ITSN1: variants seen among roughly 807,000 people sequenced by gnomAD.
ITSN1 encodes intersectin 1, also known as intersectin-1.
Under a neutral mutation model 239.8 loss-of-function variants are expected in ITSN1, and 58 were observed. That is an observed-to-expected ratio of 0.24 (90% confidence interval 0.20 to 0.30). The LOEUF (loss-of-function observed/expected upper bound fraction) is 0.30, where lower values mean the gene tolerates loss of function less well. Ranked by LOEUF, ITSN1 falls within the 10% of genes least tolerant of loss-of-function variation. The probability of loss-of-function intolerance (pLI) is 1.00; values close to 1 mark genes in which losing one functional copy is unlikely to be tolerated. For missense variants in ITSN1, 1,558 were observed against 2,103.3 expected, an observed-to-expected ratio of 0.74 and a Z score of 5.07; for synonymous variants, 780 against 770.8, an observed-to-expected ratio of 1.01 and a Z score of -0.20.
chr21:33,771,086 A>G (rs1043222791), intron 11 of ITSN1, among the ~76,000 whole-genome samples: 6 of 152,144 alleles, frequency 3.9e-5, no homozygotes, highest in African/African-American at 7.2e-5. Flanking sequence ...ATTTTAAGAT[A>G]TCAGAGTAGA....
intron 8 of ITSN1, chr21:33,757,109 C>T (rs971964824): frequency 3.3e-5 from 5 of 152,192 alleles, no homozygotes; most frequent in African/African-American, 1.2e-4. Context: ...TACTGTTTTA[C>T]ATGGTTTGTT....
chr21:33,885,175 C>G (rs775748670), intron 37 of ITSN1, 52 bp downstream of exon 37: 1 of 1,464,780 alleles, frequency 6.8e-7, no homozygotes, highest in South Asian at 1.1e-5. Context: ...GAGGGAGGGC[C>G]ATTTGGCTGG....
chr21:33,877,058 C>T (rs4816467), intron 34 of ITSN1, among the ~76,000 whole-genome samples: 136,383 of 136,548 alleles, frequency 1, 68,109 homozygotes, highest in Middle Eastern at 1. Context: ...CCTGTGGGCA[C>T]CTTTTTTTTT....
chr21:33,843,467 A>G (rs1270180267), intron 29 of ITSN1, among the ~76,000 whole-genome samples: 2 of 152,202 alleles, frequency 1.3e-5, no homozygotes, highest in African/African-American at 4.8e-5. Context: ...GCTCAGGCTT[A>G]CTTAAGACAC....
chr21:33,771,927 C>G, intron 11 of ITSN1, 134 bp from the exon 12 acceptor site: 3 of 943,172 alleles, frequency 3.2e-6, no homozygotes, highest in Non-Finnish European at 4.7e-6. Context: ...TGCTCATTAA[C>G]AAGGACACAG....
intron 27 of ITSN1, among the ~76,000 whole-genome samples, chr21:33,830,182 G>A (rs759703883): frequency 6.6e-5 from 10 of 152,292 alleles, no homozygotes; most frequent in Middle Eastern, 6.8e-3. Flanking sequence ...GTGTGTGTGT[G>A]TGTATTGTTA....
chr21:33,790,431 G>C (rs1470945616), intron 16 of ITSN1, among the ~76,000 whole-genome samples: 1 of 151,816 alleles, frequency 6.6e-6, no homozygotes, highest in Non-Finnish European at 1.5e-5. Flanking sequence ...TTTATTGGAA[G>C]ATAATATCAA....
intron 4 of ITSN1, among the ~76,000 whole-genome samples, chr21:33,733,058 A>C (rs2066286044): frequency 6.6e-6 from 1 of 152,192 alleles, no homozygotes; most frequent in African/African-American, 2.4e-5. Flanking sequence ...GGTTGTTTGT[A>C]TAACAGATAA....
At chr21:33,883,473 G>A (rs1006272753) in intron 35 of ITSN1, 77 bp from the exon 36 acceptor site, 1 of 1,578,230 alleles carries the variant, frequency 6.3e-7, no homozygotes, top group Non-Finnish European at 8.7e-7. Context: ...TGGCATAAGT[G>A]TGCTCACACA....
In ITSN1 at chr21:33,888,465, C is replaced by A. The variant is rs2148576745; in HGVS notation, c.*165C>A. 1.5e-6 allele frequency: 1 copy of A among 649,592 alleles called. No homozygotes were observed. Among genetic ancestry groups the A allele is most frequent in the South Asian group, 2.1e-5 (1 of 47,630 alleles). The allele number at this position is 649,592 out of a possible 1,614,324, so 40.2% of individuals were successfully genotyped here. ...GCTCCTAGGAATCATTCTCGACAAT[C>A]CTCCCTGCCCCGAAACAATTTCCTG... On this transcript the variant is annotated 3_prime_UTR_variant, in exon 40 of 40. Transcript: ENST00000381318.
At chr21:33,687,221 ACT>A (rs2146598837) in intron 1 of ITSN1, among the ~76,000 whole-genome samples, 1 of 149,100 alleles carries the variant, frequency 6.7e-6, no homozygotes, top group Non-Finnish European at 1.5e-5. Context: ...ACAGAGCGAG[ACT>A]CTGTCTCAAA....
rs373954860 is a variant in ITSN1 at position 33,874,710 on chromosome 21, G to A, written c.4174-644G>A. On this transcript the variant is annotated intron_variant, in intron 33 of 39. Coordinates refer to ENST00000381318, the MANE Select transcript of ITSN1 (RefSeq NM_003024.3). ...CGTTGCTGGGCTGGAGTGCAGTGGC[G>A]CAATCTTGGCTCACTACAACCTCTG... is the stretch of plus-strand genomic sequence containing the variant. Among the ~76,000 whole-genome samples the A allele has an allele frequency of 1.5e-4, 22 of 150,472 alleles. 1 individual carries two copies. The highest frequency in any genetic ancestry group is 6.6e-4 in the Admixed American group (10 of 15,122).
chr21:33,878,008 T>TTGTGTGTGTGTGTGTGTG (rs71194867), intron 34 of ITSN1, among the ~76,000 whole-genome samples: 1 of 140,230 alleles, frequency 7.1e-6, no homozygotes, highest in Non-Finnish European at 1.5e-5. Flanking sequence ...CTCTCTCTCT[T>TTGTGTGTGTGTGTGTGTG]TGTGTGTGTG....
chr21:33,879,403 G>T (rs557378726), intron 34 of ITSN1, among the ~76,000 whole-genome samples: 3 of 152,320 alleles, frequency 2.0e-5, no homozygotes, highest in African/African-American at 7.2e-5. Flanking sequence ...ACCATTCTGA[G>T]ATTCTGAGCA....
At chr21:33,829,812 C>T (rs1428767690) in intron 27 of ITSN1, 67 bp downstream of exon 27, 12 of 1,581,146 alleles carry the variant, frequency 7.6e-6, no homozygotes, top group East Asian at 2.2e-5. Flanking sequence ...CTCAAAGGGA[C>T]GCTATTTTAT....
chr21:33,782,129 T>G lies in ITSN1; in HGVS notation c.1820T>G (p.Leu607Arg). Residue 607 changes from leucine to arginine, a missense_variant, in exon 16 of 40, where the codon CTG becomes CGG. By Grantham distance (102) the Leu-to-Arg change is moderately radical. Coordinates refer to ENST00000381318, the MANE Select transcript of ITSN1 (RefSeq NM_003024.3). ...GAGATTGATATTTTCAATAATCAGC[T>G]GAAGGTAACTCTTCTATGTGTGCCT... ...LQEIDIFNNQLKELREIHNKQ... is the reference protein window; with the variant it reads ...LQEIDIFNNQRKELREIHNKQ... The G allele has an allele frequency of 6.2e-7, 1 of 1,613,592 alleles. No homozygotes were observed.
chr21:33,732,034 CAGAG>C, intron 4 of ITSN1, among the ~76,000 whole-genome samples: 1 of 152,134 alleles, frequency 6.6e-6, no homozygotes, highest in Non-Finnish European at 1.5e-5. Flanking sequence ...CAACTGGAAG[CAGAG>C]GCTTCCAGGT....
intron 27 of ITSN1, among the ~76,000 whole-genome samples, chr21:33,830,115 A>G (rs2074205909): frequency 6.6e-6 from 1 of 152,204 alleles, no homozygotes; most frequent in South Asian, 2.1e-4. Flanking sequence ...ATTTCTTTGC[A>G]TTCAAAGCCA....
At chr21:33,702,875 C>T (rs1160456719) in intron 1 of ITSN1, among the ~76,000 whole-genome samples, 2 of 152,152 alleles carry the variant, frequency 1.3e-5, no homozygotes, top group African/African-American at 4.8e-5. Context: ...GTCAGGAGTT[C>T]AGGACCAGCC....
Sources: allele counts gnomAD v4.1 joint callset (sites outside exome capture counted in the v4.1 genomes callset), GRCh38; gene constraint gnomAD v4.1.1; transcripts MANE v1.5; gene names NCBI Gene and HGNC (gene_info 2026-07-23, HGNC 2026-07-21).